C12orf54: variants seen among roughly 807,000 people sequenced by gnomAD.
The protein encoded by C12orf54 is chromosome 12 open reading frame 54.
C12orf54 carries 24 observed loss-of-function variants against 26.4 expected under a neutral mutation model. The observed-to-expected ratio is 0.91, with a 90% CI of 0.66 to 1.28. C12orf54 has a LOEUF of 1.28. Ranked by LOEUF, C12orf54 falls within the 50% of genes most tolerant of loss-of-function variation. The pLI is 0.00. For synonymous variants in C12orf54, 54 were observed against 47.0 expected (o/e 1.15, Z -0.61); for missense variants, 154 against 150.9 (o/e 1.02, Z -0.11).
chr12:48,415,882 T>C, the C12orf54 span, among the ~76,000 whole-genome samples: 1 of 152,236 alleles, frequency 6.6e-6, no homozygotes, highest in South Asian at 2.1e-4. Context: ...CCAGCCAAAC[T>C]AACAGAAAAC....
chr12:48,434,546 T>C, the C12orf54 span, among the ~76,000 whole-genome samples: 79 of 152,118 alleles, frequency 5.2e-4, no homozygotes, highest in Non-Finnish European at 1.0e-3. Flanking sequence ...CACGGCCGGG[T>C]ACTCCTCTGA....
chr12:48,447,214 G>GTGTGTA, the C12orf54 span, among the ~76,000 whole-genome samples: 30,037 of 118,346 alleles, frequency 0.25, 3,372 homozygotes, highest in Middle Eastern at 0.33. Flanking sequence ...CTCTTACTCT[G>GTGTGTA]TGTGTGTGTG....
At chr12:48,420,585 TC>T in the C12orf54 span, among the ~76,000 whole-genome samples, 1 of 152,108 alleles carries the variant, frequency 6.6e-6, no homozygotes, top group Non-Finnish European at 1.5e-5. Context: ...CATCTCTATC[TC>T]CCAGTCTCTG....
rs10535607 is a variant in C12orf54, at chr12:48,493,627, TAA to T, written c.242+650_242+651del. On this transcript the variant is annotated intron_variant, in intron 7 of 8. Coordinates refer to ENST00000548364, the MANE Select transcript of C12orf54 (RefSeq NM_152319.4). ...GAGACAGAGCAAAACACTGTCTCAT[TAA>T]AAAAAAAAAAAAAAAAAGGGATCCG... is the stretch of plus-strand genomic sequence containing the variant. Among the ~76,000 whole-genome samples, 310 of 124,316 alleles carry T rather than the reference TAA, an allele frequency of 2.5e-3. 6 individuals are homozygous for T. Among genetic ancestry groups the T allele is most frequent in the Middle Eastern group, 3.8e-3 (1 of 260 alleles). 81.6% of individuals were successfully genotyped at this position (124,316 alleles called of 152,430 possible). A position where few individuals can be genotyped will look rare whatever the true frequency, so the allele number is the denominator to read the frequency against.
At chr12:48,480,886 T>C (rs1954191697), upstream of C12orf54, among the ~76,000 whole-genome samples, 1 of 152,136 alleles carries the variant, frequency 6.6e-6, no homozygotes, top group African/African-American at 2.4e-5. Context: ...AATGCAGCCA[T>C]AAAAAATAAT....
chr12:48,455,489 C>G, the C12orf54 span, among the ~76,000 whole-genome samples: 7 of 152,170 alleles, frequency 4.6e-5, no homozygotes, highest in African/African-American at 1.7e-4. Context: ...GCTTGGGATG[C>G]AGACAGAGTT....
chr12:48,424,096 T>G, the C12orf54 span, among the ~76,000 whole-genome samples: 1 of 152,100 alleles, frequency 6.6e-6, no homozygotes, highest in South Asian at 2.1e-4. Flanking sequence ...CTGCATCTGT[T>G]TAGATGATCA....
At chr12:48,470,529 C>G in the C12orf54 span, among the ~76,000 whole-genome samples, 1 of 151,996 alleles carries the variant, frequency 6.6e-6, no homozygotes, top group African/African-American at 2.4e-5. Flanking sequence ...TAGCTTTTTG[C>G]TTGTTGATTT....
chr12:48,454,802 G>A, the C12orf54 span, among the ~76,000 whole-genome samples: 1 of 152,146 alleles, frequency 6.6e-6, no homozygotes, highest in East Asian at 1.9e-4. Context: ...AAAGCTTAAG[G>A]TTGTAAGTCT....
At chr12:48,490,780 T>A in intron 5 of C12orf54, 32 bp from the exon 6 acceptor site, 1 of 1,612,938 alleles carries the variant, frequency 6.2e-7, no homozygotes, top group Non-Finnish European at 8.5e-7. Context: ...CCAGCCCCCA[T>A]CATCTCTGAC....
intron 1 of C12orf54, 22 bp from the exon 2 acceptor site, chr12:48,483,218 A>G (rs1379344531): frequency 7.8e-7 from 1 of 1,280,052 alleles, no homozygotes; most frequent in Non-Finnish European, 1.1e-6. Flanking sequence ...CCTTCTCCGC[A>G]TATTCATTTA....
At chr12:48,423,067 A>G in the C12orf54 span, among the ~76,000 whole-genome samples, 1 of 152,176 alleles carries the variant, frequency 6.6e-6, no homozygotes, top group African/African-American at 2.4e-5. Context: ...TGCATCTGTC[A>G]GAGGTGGCTG....
At chr12:48,476,704 AAT>A in the C12orf54 span, among the ~76,000 whole-genome samples, 1 of 149,534 alleles carries the variant, frequency 6.7e-6, no homozygotes, top group African/African-American at 2.6e-5. Flanking sequence ...AACTATCCTA[AAT>A]ATATATGCAC....
chr12:48,471,449 T>C, the C12orf54 span, among the ~76,000 whole-genome samples: 1 of 152,182 alleles, frequency 6.6e-6, no homozygotes, highest in Non-Finnish European at 1.5e-5. Flanking sequence ...CTTTGGGGCA[T>C]ATTTTCTAGG....
At chr12:48,426,528 GCTTTGTT>G in the C12orf54 span, among the ~76,000 whole-genome samples, 1 of 152,212 alleles carries the variant, frequency 6.6e-6, no homozygotes, top group East Asian at 1.9e-4. Flanking sequence ...GATGCCTCCA[GCTTTGTT>G]CTTTTTGCTT....
At chr12:48,425,973 G>C in the C12orf54 span, among the ~76,000 whole-genome samples, 21 of 144,756 alleles carry the variant, frequency 1.5e-4, no homozygotes, top group African/African-American at 4.8e-4. Flanking sequence ...CCTTATAGAT[G>C]CTGAATATTA....
chr12:48,483,121 C>A, intron 1 of C12orf54, 119 bp from the exon 2 acceptor site: 1 of 599,352 alleles, frequency 1.7e-6, no homozygotes. Context: ...CATGCACATG[C>A]ACACTCACCC....
At chr12:48,441,091 T>C in the C12orf54 span, among the ~76,000 whole-genome samples, 1 of 152,210 alleles carries the variant, frequency 6.6e-6, no homozygotes, top group African/African-American at 2.4e-5. Flanking sequence ...AGCATTTATC[T>C]AACGTATGTG....
the C12orf54 span, among the ~76,000 whole-genome samples, chr12:48,457,866 G>A: frequency 6.6e-6 from 1 of 152,136 alleles, no homozygotes. Context: ...GGATGACTGG[G>A]GAGTGATGTT....
Sources: allele counts gnomAD v4.1 joint callset (sites outside exome capture counted in the v4.1 genomes callset), GRCh38; gene constraint gnomAD v4.1.1; transcripts MANE v1.5; gene names NCBI Gene and HGNC (gene_info 2026-07-23, HGNC 2026-07-21).